The following APPL2 variants were observed in gnomAD, a reference collection of about 807,000 sequenced individuals.
APPL2 encodes DCC-interacting protein 13-beta.
A neutral mutation model predicts 92.7 loss-of-function variants in APPL2; 84 were observed. That is an observed-to-expected ratio of 0.91 (90% CI 0.76 to 1.09). APPL2 has a LOEUF of 1.09. Ranked by LOEUF, APPL2 falls within the 50% of genes least tolerant of loss-of-function variation. The pLI is 0.00. For synonymous variants in APPL2, 291 were observed against 291.0 expected (o/e 1.00, Z 0.00); for missense variants, 736 against 824.5 (o/e 0.89, Z 1.31).
chr12:105,174,914 C>T (rs1172733885), intron 20 of APPL2, among the ~76,000 whole-genome samples: 2 of 143,974 alleles, frequency 1.4e-5, no homozygotes, highest in Admixed American at 7.6e-5. Flanking sequence ...GACAGAGTCT[C>T]GCTCTATCGC....
chr12:105,198,005 A>G, intron 10 of APPL2, 52 bp from the exon 11 acceptor site: 1 of 1,569,704 alleles, frequency 6.4e-7, no homozygotes, highest in Non-Finnish European at 8.7e-7. Flanking sequence ...ACCAGCGGCC[A>G]CCTCCAAGTC....
chr12:105,195,643 C>G lies in APPL2; in HGVS notation c.1053-16G>C. ...GATTATTCCCCTGAAACAAAAGTGT[C>G]TAAGTAATTAAGTGCTTCCCTGATC... is the stretch of plus-strand genomic sequence containing the variant. On this transcript the variant is annotated splice_polypyrimidine_tract_variant and intron_variant, in intron 11 of 20. Coordinates refer to ENST00000258530, the MANE Select transcript of APPL2 (RefSeq NM_018171.5). 1 of 1,613,962 alleles carries G rather than the reference C, an allele frequency of 6.2e-7. No homozygotes were observed. Among genetic ancestry groups the G allele is most frequent in the Non-Finnish European group, 8.5e-7 (1 of 1,179,972 alleles).
In APPL2 at chr12:105,190,205, G is replaced by A. The variant is rs1273489973; in HGVS notation, c.1242-50C>T. The A allele has an allele frequency of 1.9e-6, 3 of 1,559,540 alleles. No homozygotes were observed. The African/African-American group carries it at 4.1e-5, about 21-fold the overall frequency. The stretch of plus-strand genomic sequence containing the variant: ...CTTAACCTTACGCTTTTATAATCAA[G>A]TGAATACTTGTTGAAGGCTGAGGTG... On this transcript the variant is annotated intron_variant, in intron 14 of 20. Coordinates refer to ENST00000258530, the MANE Select transcript of APPL2 (RefSeq NM_018171.5).
intron 1 of APPL2, chr12:105,233,353 T>A: frequency 8.1e-6 from 8 of 985,194 alleles, no homozygotes; most frequent in Non-Finnish European, 9.6e-6. Flanking sequence ...GCTTCCCACA[T>A]ATGAGAGGTA....
In APPL2 at chr12:105,177,206, A is replaced by C. The variant is rs1385337748; in HGVS notation, c.1671+20T>G. ...GAATTAAGGAGTAATCACTAACATG[A>C]ACCTGTATGCGGTACTTACATTGGC... On this transcript the variant is annotated intron_variant, in intron 18 of 20. Transcript: ENST00000258530. 1.2e-6 allele frequency: 2 copies of C among 1,613,460 alleles called. No homozygotes were observed.
intron 17 of APPL2, 63 bp downstream of exon 17, chr12:105,188,210 A>G (rs1382763567): frequency 3.2e-6 from 5 of 1,563,150 alleles, no homozygotes; most frequent in East Asian, 2.2e-5. Flanking sequence ...AGATGGGTGC[A>G]TTAGCCTTAA....
At chr12:105,177,072 C>G in intron 18 of APPL2, 56 bp from the exon 19 acceptor site, 1 of 1,608,848 alleles carries the variant, frequency 6.2e-7, no homozygotes, top group Non-Finnish European at 8.5e-7. Flanking sequence ...TAAAAACTGA[C>G]AAGGCTACTC....
rs1167861550 is a variant in APPL2 at position 105,207,858 on chromosome 12, A to G, written c.474+113T>C. Reference sequence around the variant, plus strand: ...AATGAACAATTTTAAAAGTCCATGTATAGTTAAAAAAAAAAATAACCACGC... The same window carrying G: ...AATGAACAATTTTAAAAGTCCATGTGTAGTTAAAAAAAAAAATAACCACGC... On this transcript the variant is annotated intron_variant, in intron 7 of 20. Coordinates refer to ENST00000258530, the MANE Select transcript of APPL2 (RefSeq NM_018171.5). 7 of 893,502 alleles carry G rather than the reference A, an allele frequency of 7.8e-6. No individual in the cohort carries two copies. The East Asian group carries it at 1.8e-4, about 23-fold the overall frequency. The allele number at this position is 893,502 out of a possible 1,614,324, so 55.3% of individuals were successfully genotyped here.
intron 2 of APPL2, among the ~76,000 whole-genome samples, chr12:105,222,749 A>G (rs1029459927): frequency 6.6e-6 from 1 of 152,208 alleles, no homozygotes; most frequent in African/African-American, 2.4e-5. Flanking sequence ...TGAAGGGACA[A>G]GGAAACCCCG....
chr12:105,220,638 C>T (rs531195866), intron 2 of APPL2, among the ~76,000 whole-genome samples: 1 of 152,318 alleles, frequency 6.6e-6, no homozygotes, highest in South Asian at 2.1e-4. Context: ...TAACCACCCT[C>T]CAGGCCTTCC....
chr12:105,186,624 T>TG, intron 17 of APPL2, among the ~76,000 whole-genome samples: 1 of 105,574 alleles, frequency 9.5e-6, no homozygotes, highest in African/African-American at 4.4e-5. Context: ...ATCATATATA[T>TG]ATCATATATA....
chr12:105,196,425 C>T (rs968990367), intron 11 of APPL2, among the ~76,000 whole-genome samples: 19 of 83,810 alleles, frequency 2.3e-4, no homozygotes, highest in South Asian at 5.5e-4. Context: ...GGCGTTAACT[C>T]TTTTTTTTTT....
chr12:105,176,171 CTGTT>C, intron 19 of APPL2, 89 bp from the exon 20 acceptor site: 5 of 1,122,762 alleles, frequency 4.5e-6, no homozygotes, highest in Non-Finnish European at 6.5e-6. Context: ...AGTGAGGTCA[CTGTT>C]CTCACTGTTC....
At chr12:105,199,902 T>C (rs1406319853) in intron 9 of APPL2, among the ~76,000 whole-genome samples, 3 of 151,942 alleles carry the variant, frequency 2.0e-5, no homozygotes, top group Non-Finnish European at 4.4e-5. Flanking sequence ...CACTGCAAGC[T>C]CCGCCCCTCA....
chr12:105,212,264 C>T (rs542714741), intron 4 of APPL2, among the ~76,000 whole-genome samples: 1 of 152,300 alleles, frequency 6.6e-6, no homozygotes, highest in East Asian at 1.9e-4. Flanking sequence ...GCCCTTGACT[C>T]TTTCTCCCCT....
At chr12:105,183,463 A>G (rs962106766) in intron 17 of APPL2, among the ~76,000 whole-genome samples, 11 of 152,262 alleles carry the variant, frequency 7.2e-5, no homozygotes, top group African/African-American at 2.4e-4. Flanking sequence ...TGGTGACAAC[A>G]TCCTTCAGCA....
rs1163966135 is a variant in APPL2, at chr12:105,174,413, T to C, written c.1896A>G (p.Ile632Met). 1 of 1,613,820 alleles carries C rather than the reference T, an allele frequency of 6.2e-7. No homozygotes were observed. Among genetic ancestry groups the C allele is most frequent in the Admixed American group, 1.7e-5 (1 of 59,984 alleles). ...CATATTTTCCGTCATTGGTTAGTGGTATGGACAGCATTAATTGAGCCAGTG... is the reference window on the plus strand; with the variant it reads ...CATATTTTCCGTCATTGGTTAGTGGCATGGACAGCATTAATTGAGCCAGTG... Reference protein sequence around the residue: ...PEALAQLMLSIPLTNDGKYVL... With the variant: ...PEALAQLMLSMPLTNDGKYVL... The change falls in exon 21 of 21, where the codon ATA becomes ATG. Residue 632 changes from isoleucine to methionine, a missense_variant. Ile to Met is a conservative substitution (Grantham distance 10). Coordinates refer to ENST00000258530, the MANE Select transcript of APPL2 (RefSeq NM_018171.5).
chr12:105,189,913 C>T (rs1035915661), intron 15 of APPL2, 78 bp downstream of exon 15: 15 of 1,611,186 alleles, frequency 9.3e-6, no homozygotes, highest in Admixed American at 8.3e-5. Flanking sequence ...TGGCAACAGT[C>T]TTTGGTGGTG....
Position 105,207,214 on chromosome 12 carries a change from A to C in APPL2, c.475-7T>G, listed in dbSNP as rs1205482201. ...TTCCGACTTCGGTCTTCACCTGGTT[A>C]AAAGGTGAAAGGAAAACTTCAAGTT... On this transcript the variant is annotated splice_region_variant and splice_polypyrimidine_tract_variant and intron_variant, in intron 7 of 20. Coordinates refer to ENST00000258530, the MANE Select transcript of APPL2 (RefSeq NM_018171.5). 6.2e-7 allele frequency: 1 copy of C among 1,609,234 alleles called. No homozygotes were observed. The highest frequency in any genetic ancestry group is 1.3e-5 in the African/African-American group (1 of 74,744).
Sources: allele counts gnomAD v4.1 joint callset (sites outside exome capture counted in the v4.1 genomes callset), GRCh38; gene constraint gnomAD v4.1.1; transcripts MANE v1.5; gene names NCBI Gene and HGNC (gene_info 2026-07-23, HGNC 2026-07-21).